The following SLA variants were observed in gnomAD, a reference collection of about 807,000 sequenced individuals.
SLA encodes the protein src-like-adapter.
Under a neutral mutation model 30.3 loss-of-function variants are expected in SLA, and 16 were observed. That is an observed-to-expected ratio of 0.53 (90% CI 0.36 to 0.80). The LOEUF (loss-of-function observed/expected upper bound fraction) is 0.80, where lower values mean the gene tolerates loss of function less well. Ranked by LOEUF, SLA falls within the 30% of genes least tolerant of loss-of-function variation. The pLI is 0.01. For synonymous variants in SLA, 143 were observed against 137.8 expected, an observed-to-expected ratio of 1.04 and a Z score of -0.26; for missense variants, 310 against 345.2, an observed-to-expected ratio of 0.90 and a Z score of 0.81.
intron 1 of SLA, among the ~76,000 whole-genome samples, chr8:133,101,248 A>G (rs558569294): frequency 6.6e-6 from 1 of 152,314 alleles, no homozygotes; most frequent in Non-Finnish European, 1.5e-5. Flanking sequence ...GTGGACAACC[A>G]AGTGGAAACT....
At position 133,074,972 on chromosome 8, in the gene SLA, C is replaced by G; in HGVS notation, c.-160G>C. On this transcript the variant is annotated 5_prime_UTR_variant, in exon 2 of 9. Transcript: ENST00000338087. ...CCAGAATAAACAGGCAGCCGGGCTT[C>G]TCGCGGTTGTGGAGAAGCAGCCCAT... 1 of 985,480 alleles carries G rather than the reference C, an allele frequency of 1.0e-6. No individual in the cohort carries two copies. Among genetic ancestry groups the G allele is most frequent in the Non-Finnish European group, 1.2e-6 (1 of 829,982 alleles). 61.0% of individuals were successfully genotyped at this position (985,480 alleles called of 1,614,324 possible).
chr8:133,101,021 C>G (rs1197385664), intron 1 of SLA, among the ~76,000 whole-genome samples: 1 of 152,050 alleles, frequency 6.6e-6, no homozygotes, highest in Non-Finnish European at 1.5e-5. Flanking sequence ...GGTCAGCTAA[C>G]TAGTCCTTTG....
intron 1 of SLA, among the ~76,000 whole-genome samples, chr8:133,085,075 A>ACCAGCT (rs904170616): frequency 5.9e-5 from 9 of 152,254 alleles, no homozygotes; most frequent in African/African-American, 2.2e-4. Context: ...CTTGGAGCAC[A>ACCAGCT]CCAGCTCCGC....
intron 1 of SLA, chr8:133,094,706 A>G (rs1215039083): frequency 2.6e-6 from 1 of 388,634 alleles, no homozygotes; most frequent in East Asian, 6.1e-5. Flanking sequence ...TTCCCAGAGG[A>G]CTTTGCCACA....
In SLA at chr8:133,091,968, C is replaced by T. The variant is rs934951558; in HGVS notation, c.-319+10585G>A. Among the ~76,000 whole-genome samples, 6 of 151,876 alleles carry T rather than the reference C, an allele frequency of 4.0e-5. No individual in the cohort carries two copies. In the South Asian group the frequency reaches 8.3e-4, roughly 21 times the overall value. ...CCATCTGTGGCTGTGTGTCTGTGCACGTAAGCATATGTCTCTGTCAGTGTC... is the reference window on the plus strand; with the variant it reads ...CCATCTGTGGCTGTGTGTCTGTGCATGTAAGCATATGTCTCTGTCAGTGTC... On this transcript the variant is annotated intron_variant, in intron 1 of 8. Transcript: ENST00000338087.
At chr8:133,042,906 C>T (rs2131116862) in intron 7 of SLA, among the ~76,000 whole-genome samples, 1 of 151,860 alleles carries the variant, frequency 6.6e-6, no homozygotes, top group African/African-American at 2.4e-5. Flanking sequence ...GTTGGTCAGA[C>T]TAGCCTCGAA....
intron 2 of SLA, among the ~76,000 whole-genome samples, chr8:133,066,344 A>AG (rs1554714560): frequency 6.6e-6 from 1 of 150,640 alleles, no homozygotes; most frequent in Middle Eastern, 3.2e-3. Flanking sequence ...AAAAAAAAAA[A>AG]GCTGTTACTG....
At position 133,047,637 on chromosome 8, in the gene SLA, C is replaced by A. The variant is rs113103043; in HGVS notation, c.352+193G>T. ...CCGTGGCAGTGCCCAGCCGGCTCCCCACTGCCTGTCTCTAGTCCCCTTGCT... is the reference window on the plus strand; with the variant it reads ...CCGTGGCAGTGCCCAGCCGGCTCCCAACTGCCTGTCTCTAGTCCCCTTGCT... On this transcript the variant is annotated intron_variant, in intron 6 of 8. Transcript: ENST00000338087. 676 of 601,838 alleles carry A rather than the reference C, an allele frequency of 1.1e-3. 1 individual carries two copies. Among genetic ancestry groups the A allele is most frequent in the African/African-American group, 0.011 (603 of 54,322 alleles). The allele number at this position is 601,838 out of a possible 1,614,324, so 37.3% of individuals were successfully genotyped here.
At chr8:133,096,443 A>ACTTGGTCAATATCT in intron 1 of SLA, 1 of 1,575,906 alleles carries the variant, frequency 6.3e-7, no homozygotes, top group Non-Finnish European at 8.7e-7. Context: ...TCAATGTCTG[A>ACTTGGTCAATATCT]CTTGATCAAG....
intron 1 of SLA, chr8:133,096,231 A>G (rs761179947): frequency 6.2e-7 from 1 of 1,614,058 alleles, no homozygotes; most frequent in Non-Finnish European, 8.5e-7. Context: ...GGCCCTTTCC[A>G]CTACTGGGGT....
chr8:133,041,618 G>C (rs1399806094), intron 7 of SLA, among the ~76,000 whole-genome samples: 1 of 152,118 alleles, frequency 6.6e-6, no homozygotes, highest in African/African-American at 2.4e-5. Flanking sequence ...GCACAGGCAG[G>C]GGACACTCCG....
intron 3 of SLA, among the ~76,000 whole-genome samples, chr8:133,059,552 C>T (rs182318857): frequency 6.6e-6 from 1 of 152,222 alleles, no homozygotes; most frequent in African/African-American, 2.4e-5. Flanking sequence ...TTAGGCTCTT[C>T]CCCCGAGAAT....
chr8:133,084,247 G>A (rs1185726264), intron 1 of SLA, among the ~76,000 whole-genome samples: 1 of 152,174 alleles, frequency 6.6e-6, no homozygotes, highest in Non-Finnish European at 1.5e-5. Context: ...CCTCTGTCTA[G>A]GCAGTCCCCA....
rs780552109 is a variant in SLA, at chr8:133,047,806, A to AAAGATGAG, written c.352+16_352+23dup. On this transcript the variant is annotated intron_variant, in intron 6 of 8. Coordinates refer to ENST00000338087, the MANE Select transcript of SLA (RefSeq NM_001045556.3). ...ACATGCTTGTCTGCCCCGGATGGGG[A>AAAGATGAG]AAGATGAGTTGGGGGCCACTCACCT... 6.0e-5 allele frequency: 78 copies of AAAGATGAG among 1,291,372 alleles called. 1 individual carries two copies. The Admixed American group carries it at 1.3e-3, about 21-fold the overall frequency. The allele number at this position is 1,291,372 out of a possible 1,614,324, so 80.0% of individuals were successfully genotyped here.
At chr8:133,095,587 A>G (rs1465311179) in intron 1 of SLA, among the ~76,000 whole-genome samples, 2 of 152,204 alleles carry the variant, frequency 1.3e-5, no homozygotes, top group Admixed American at 1.3e-4. Context: ...TGTGTTGAGT[A>G]TTGCAGACAT....
intron 3 of SLA, among the ~76,000 whole-genome samples, chr8:133,055,355 ACGCACGCG>A (rs1259257280): frequency 3.3e-4 from 22 of 66,604 alleles, no homozygotes; most frequent in Non-Finnish European, 6.0e-4. Flanking sequence ...GGACACACAC[ACGCACGCG>A]CGCACACACA....
At chr8:133,081,261 G>T (rs370347075) in intron 1 of SLA, among the ~76,000 whole-genome samples, 20 of 152,242 alleles carry the variant, frequency 1.3e-4, no homozygotes, top group African/African-American at 4.8e-4. Context: ...TAGCACAGAG[G>T]CTATCCCCAA....
chr8:133,084,771 A>G (rs948392139), intron 1 of SLA, among the ~76,000 whole-genome samples: 1 of 152,250 alleles, frequency 6.6e-6, no homozygotes, highest in Non-Finnish European at 1.5e-5. Context: ...GGGCCTGGGA[A>G]GGCCTCCACA....
intron 4 of SLA, 21 bp downstream of exon 4, chr8:133,050,795 A>G: frequency 2.0e-6 from 3 of 1,478,994 alleles, no homozygotes; most frequent in Non-Finnish European, 1.9e-6. Flanking sequence ...AGATTGCACA[A>G]GTTTTGGAGA....
Sources: allele counts gnomAD v4.1 joint callset (sites outside exome capture counted in the v4.1 genomes callset), GRCh38; gene constraint gnomAD v4.1.1; transcripts MANE v1.5; gene names NCBI Gene and HGNC (gene_info 2026-07-23, HGNC 2026-07-21).